The following EPM2A variants were observed in gnomAD, a reference collection of about 807,000 sequenced individuals.
EPM2A encodes the protein laforin.
EPM2A carries 21 observed loss-of-function variants against 26.5 expected under a neutral mutation model. That is an observed-to-expected ratio of 0.79 (90% CI 0.56 to 1.14). The LOEUF (loss-of-function observed/expected upper bound fraction) is 1.14. Ranked by LOEUF, EPM2A falls within the 50% of genes most tolerant of loss-of-function variation. The pLI, the probability that EPM2A is intolerant of heterozygous loss-of-function variation, is 0.00. For synonymous variants in EPM2A, 217 were observed against 177.6 expected (o/e 1.22, Z -1.76); for missense variants, 458 against 440.8 (o/e 1.04, Z -0.35).
chr6:145,718,282 T>C (rs1325189524), intron 1 of EPM2A, among the ~76,000 whole-genome samples: 1 of 147,204 alleles, frequency 6.8e-6, no homozygotes, highest in African/African-American at 2.5e-5. Flanking sequence ...TATAGATCAA[T>C]GGAACAGAAC....
chr6:145,537,834 T>G (rs1780453685), intron 2 of EPM2A, among the ~76,000 whole-genome samples: 1 of 151,986 alleles, frequency 6.6e-6, no homozygotes, highest in South Asian at 2.1e-4. Context: ...CTCCCACTTA[T>G]GAGTGAGAAC....
chr6:145,549,643 C>T (rs1486921529), intron 2 of EPM2A, among the ~76,000 whole-genome samples: 1 of 152,070 alleles, frequency 6.6e-6, no homozygotes, highest in Non-Finnish European at 1.5e-5. Flanking sequence ...AGAAACCTAT[C>T]CATTATGGTA....
intron 2 of EPM2A, among the ~76,000 whole-genome samples, chr6:145,524,329 T>C (rs1780242987): frequency 6.6e-6 from 1 of 152,308 alleles, no homozygotes; most frequent in East Asian, 1.9e-4. Flanking sequence ...CCAATGGTAG[T>C]TCTGGTTTAA....
chr6:145,554,442 A>AGATAGAT (rs1780697239), intron 2 of EPM2A, among the ~76,000 whole-genome samples: 2 of 151,816 alleles, frequency 1.3e-5, no homozygotes, highest in Admixed American at 1.3e-4. Flanking sequence ...ATAGATAGAT[A>AGATAGAT]GATAGATAGA....
chr6:145,472,268 G>C (rs1033125909), intron 4 of EPM2A, among the ~76,000 whole-genome samples: 3 of 151,756 alleles, frequency 2.0e-5, no homozygotes, highest in African/African-American at 7.3e-5. Flanking sequence ...TGATACCTGG[G>C]TCCTACATGG....
intron 3 of EPM2A, among the ~76,000 whole-genome samples, chr6:145,634,117 T>C (rs1481693645): frequency 6.6e-6 from 1 of 152,162 alleles, no homozygotes; most frequent in African/African-American, 2.4e-5. Flanking sequence ...TGGATATCAC[T>C]GTCCTTTCCC....
chr6:145,639,372 T>C (rs1776918278), intron 2 of EPM2A: 1 of 152,202 alleles, frequency 6.6e-6, no homozygotes, highest in African/African-American at 2.4e-5. Context: ...TGAGGTACTT[T>C]TATAAAAACA....
chr6:145,540,765 G>A (rs1319211829), intron 2 of EPM2A, among the ~76,000 whole-genome samples: 2 of 152,118 alleles, frequency 1.3e-5, no homozygotes, highest in African/African-American at 2.4e-5. Flanking sequence ...AACTAGGGGC[G>A]TGGTAAATTC....
At chr6:145,489,285 A>G (rs1340623470) in intron 4 of EPM2A, among the ~76,000 whole-genome samples, 1 of 152,202 alleles carries the variant, frequency 6.6e-6, no homozygotes. Flanking sequence ...TTGATTTTAT[A>G]ATATGAAAGA....
intron 4 of EPM2A, among the ~76,000 whole-genome samples, chr6:145,487,334 A>C (rs1056722572): frequency 2.6e-5 from 4 of 152,040 alleles, no homozygotes; most frequent in African/African-American, 9.7e-5. Flanking sequence ...CATATGGATC[A>C]TATGTTCCTT....
intron 4 of EPM2A, among the ~76,000 whole-genome samples, chr6:145,426,929 GAATT>G (rs1399285009): frequency 6.6e-6 from 1 of 152,116 alleles, no homozygotes; most frequent in Non-Finnish European, 1.5e-5. Flanking sequence ...TGATGAAAGA[GAATT>G]ATTTCTCTTC....
chr6:145,663,252 G>A (rs771878258), intron 2 of EPM2A, among the ~76,000 whole-genome samples: 2 of 152,154 alleles, frequency 1.3e-5, no homozygotes, highest in Non-Finnish European at 2.9e-5. Context: ...ATAATTGGGG[G>A]GAACTAAGAT....
At chr6:145,611,865 G>GA (rs901224303) in intron 2 of EPM2A, among the ~76,000 whole-genome samples, 13 of 149,654 alleles carry the variant, frequency 8.7e-5, no homozygotes, top group Non-Finnish European at 1.3e-4. Flanking sequence ...TCTAGAAGAA[G>GA]AAAAAAAAAC....
intron 1 of EPM2A, among the ~76,000 whole-genome samples, chr6:145,709,577 C>T (rs915652916): frequency 6.6e-6 from 1 of 152,180 alleles, no homozygotes; most frequent in African/African-American, 2.4e-5. Context: ...TCAATAAAAG[C>T]TCTTTTCTTT....
At chr6:145,677,461 G>C (rs189271280) in intron 2 of EPM2A, among the ~76,000 whole-genome samples, 3 of 152,190 alleles carry the variant, frequency 2.0e-5, no homozygotes, top group East Asian at 1.9e-4. Flanking sequence ...AGAAATAAAG[G>C]GTATTCAATT....
At chr6:145,695,125 AC>A (rs1167579068) in intron 1 of EPM2A, among the ~76,000 whole-genome samples, 2 of 152,050 alleles carry the variant, frequency 1.3e-5, no homozygotes, top group Non-Finnish European at 2.9e-5. Flanking sequence ...GATACAAATT[AC>A]AAAAAGTTGC....
intron 4 of EPM2A, among the ~76,000 whole-genome samples, chr6:145,480,182 A>T (rs929098300): frequency 8.6e-5 from 12 of 139,254 alleles, no homozygotes; most frequent in Non-Finnish European, 1.7e-4. Flanking sequence ...TAATTTATTT[A>T]AAAAAAAAAG....
intron 4 of EPM2A, among the ~76,000 whole-genome samples, chr6:145,466,199 A>G (rs975773308): frequency 9.2e-5 from 14 of 151,954 alleles, no homozygotes; most frequent in African/African-American, 2.9e-4. Context: ...ATCAGAGTGA[A>G]CAGGCAACCT....
At chr6:145,450,310 G>A (rs1237923040) in intron 4 of EPM2A, among the ~76,000 whole-genome samples, 3 of 135,556 alleles carry the variant, frequency 2.2e-5, no homozygotes, top group Non-Finnish European at 4.6e-5. Flanking sequence ...CCGAGATCGC[G>A]CCACTGCACT....
Sources: gnomAD v4.1 joint callset for allele counts (sites outside exome capture counted in the v4.1 genomes callset) on GRCh38, gnomAD v4.1.1 for gene constraint, MANE v1.5 for transcripts, NCBI Gene and HGNC (gene_info 2026-07-23, HGNC 2026-07-21) for gene names.